The following HNF4G variants were observed in gnomAD, a reference collection of about 807,000 sequenced individuals.
HNF4G encodes the protein hepatocyte nuclear factor 4-gamma.
A neutral mutation model predicts 50.9 loss-of-function variants in HNF4G; 21 were observed. The ratio of observed to expected loss-of-function variants is 0.41; its 90% CI spans 0.29 to 0.59. The LOEUF is 0.59. Among genes scored for constraint, HNF4G ranks in the 20% least tolerant of loss-of-function variants. The probability of loss-of-function intolerance (pLI) is 0.26; values close to 1 mark genes in which losing one functional copy is unlikely to be tolerated. For synonymous variants in HNF4G, 198 were observed against 185.6 expected (o/e 1.07, Z -0.54); for missense variants, 527 against 559.4 (o/e 0.94, Z 0.58).
intron 3 of HNF4G, among the ~76,000 whole-genome samples, chr8:75,547,923 G>T (rs1216080415): frequency 6.6e-6 from 1 of 151,700 alleles, no homozygotes; most frequent in Non-Finnish European, 1.5e-5. Context: ...CCATTACATT[G>T]TCCAAGGCAA....
chr8:75,535,566 C>G (rs1429679091), upstream of HNF4G, among the ~76,000 whole-genome samples: 1 of 151,710 alleles, frequency 6.6e-6, no homozygotes, highest in Admixed American at 6.6e-5. Flanking sequence ...ATGAAAACAA[C>G]AAGAACTATA....
At position 75,543,949 on chromosome 8, in the gene HNF4G, G is replaced by C; in HGVS notation, c.257G>C (p.Ser86Thr). 1 of 1,599,790 alleles carries C rather than the reference G, an allele frequency of 6.3e-7. No homozygotes were observed. The highest frequency in any genetic ancestry group is 8.5e-7 in the Non-Finnish European group (1 of 1,171,962). Residue 86 changes from serine (S) to threonine (T), a missense_variant, in exon 2 of 10, where the codon AGC becomes ACC. Physicochemically the swap from Ser to Thr is moderately conservative, Grantham distance 58. Transcript: ENST00000396423. ...CDGCKGFFRR[S>T]IRKSHVYSCR... ...GGGTGCAAGGGTTTCTTCAGACGCA[G>C]CATTCGTAAGAGTCACGTTTATTCT... is the stretch of plus-strand genomic sequence containing the variant.
At chr8:75,484,637 TA>T (rs1310103426) in intron 1 of HNF4G, among the ~76,000 whole-genome samples, 3 of 152,244 alleles carry the variant, frequency 2.0e-5, no homozygotes, top group Non-Finnish European at 4.4e-5. Context: ...ATTATGATTA[TA>T]ATTAATCACC....
Position 75,450,867 on chromosome 8 carries a change from A to T in HNF4G, c.-143-39222A>T, listed in dbSNP as rs182763380. Among the ~76,000 whole-genome samples the T allele has an allele frequency of 2.1e-4, 32 of 152,254 alleles. 1 individual carries two copies. Among genetic ancestry groups the T allele is most frequent in the African/African-American group, 7.5e-4 (31 of 41,562 alleles). On this transcript the variant is annotated intron_variant, in intron 1 of 10. Transcript: ENST00000354370. ...TCATTATCTCTAGAGTGGGTTTGTT[A>T]GAAAGGTGAGTTCAGAGTTCTCTCG...
intron 2 of HNF4G, among the ~76,000 whole-genome samples, chr8:75,528,596 A>G (rs578190785): frequency 2.0e-4 from 31 of 152,324 alleles, no homozygotes; most frequent in African/African-American, 7.2e-4. Flanking sequence ...TTTAATTCTA[A>G]GCTGTAACAT....
intron 1 of HNF4G, among the ~76,000 whole-genome samples, chr8:75,428,427 A>G (rs1810935120): frequency 6.6e-6 from 1 of 152,238 alleles, no homozygotes; most frequent in Non-Finnish European, 1.5e-5. Flanking sequence ...CCTTGTATTT[A>G]TGGAGCTTCC....
rs1807012045 is a variant in HNF4G, at chr8:75,553,108, G to A, written c.556G>A (p.Val186Ile). 6.2e-7 allele frequency: 1 copy of A among 1,612,662 alleles called. No homozygotes were observed. Among genetic ancestry groups the A allele is most frequent in the African/African-American group, 1.3e-5 (1 of 74,830 alleles). Residue 186 changes from valine (V) to isoleucine (I), a missense_variant, in exon 5 of 10, where the codon GTC (valine) becomes ATC (isoleucine). Val to Ile is a conservative substitution (Grantham distance 29). This residue lies in a region of HNF4G where 128 missense variants were observed against 135.3 expected (regional missense o/e 0.95). Coordinates refer to ENST00000396423, the MANE Select transcript of HNF4G (RefSeq NM_004133.5). Reference protein sequence around the residue: ...NVKKIASIGDVCESMKQQLLV... With the variant: ...NVKKIASIGDICESMKQQLLV... ...TAAGAAAATTGCAAGTATTGGTGAT[G>A]TCTGTGAATCTATGAAACAGCAGCT...
chr8:75,413,951 A>G (rs1418824432), intron 1 of HNF4G, among the ~76,000 whole-genome samples: 1 of 152,194 alleles, frequency 6.6e-6, no homozygotes. Flanking sequence ...GTGAAAAGCC[A>G]ACTCACTTTT....
intron 1 of HNF4G, among the ~76,000 whole-genome samples, chr8:75,480,468 G>A (rs777025123): frequency 1.3e-5 from 2 of 152,112 alleles, no homozygotes; most frequent in Non-Finnish European, 2.9e-5. Context: ...GAATGATAAA[G>A]ATAATAGCTA....
intron 1 of HNF4G, among the ~76,000 whole-genome samples, chr8:75,468,741 A>G (rs566682634): frequency 4.3e-4 from 65 of 152,236 alleles, no homozygotes; most frequent in African/African-American, 1.3e-3. Flanking sequence ...AAATTTTTCA[A>G]TGGTCAATGT....
chr8:75,527,480 T>TA (rs556746639), intron 2 of HNF4G, among the ~76,000 whole-genome samples: 2 of 152,114 alleles, frequency 1.3e-5, no homozygotes, highest in South Asian at 2.1e-4. Flanking sequence ...AATGACTTTG[T>TA]AAAAAAATGA....
At chr8:75,558,478 G>T in intron 6 of HNF4G, 40 bp from the exon 7 acceptor site, 4 of 1,576,562 alleles carry the variant, frequency 2.5e-6, no homozygotes, top group Non-Finnish European at 3.5e-6. Flanking sequence ...GGAGACAGGT[G>T]GTTATTTTGT....
intron 1 of HNF4G, among the ~76,000 whole-genome samples, chr8:75,474,230 A>C (rs928325036): frequency 2.0e-5 from 3 of 152,222 alleles, no homozygotes; most frequent in Non-Finnish European, 4.4e-5. Flanking sequence ...TTCTTTCTTT[A>C]ATTTGAACAC....
intron 1 of HNF4G, among the ~76,000 whole-genome samples, chr8:75,447,586 G>GA (rs1041431540): frequency 4.0e-5 from 6 of 150,680 alleles, no homozygotes; most frequent in African/African-American, 1.2e-4. Context: ...AAATTTACAA[G>GA]AAAAAAACAA....
At chr8:75,415,625 G>A (rs764160128) in intron 1 of HNF4G, among the ~76,000 whole-genome samples, 42 of 152,040 alleles carry the variant, frequency 2.8e-4, no homozygotes, top group Non-Finnish European at 4.3e-4. Context: ...TTATATACAC[G>A]GTCTACAGTG....
intron 2 of HNF4G, among the ~76,000 whole-genome samples, chr8:75,505,654 A>T (rs1294370083): frequency 6.6e-6 from 1 of 151,056 alleles, no homozygotes; most frequent in Non-Finnish European, 1.5e-5. Flanking sequence ...CTTATGATAG[A>T]GTTATTCTGT....
intron 1 of HNF4G, among the ~76,000 whole-genome samples, chr8:75,453,504 G>GCC (rs777845560): frequency 8.6e-6 from 1 of 116,334 alleles, no homozygotes; most frequent in Non-Finnish European, 1.8e-5. Flanking sequence ...CCACCCCCCT[G>GCC]CCCCCCCGCC....
intron 1 of HNF4G, among the ~76,000 whole-genome samples, chr8:75,450,716 A>G (rs1316598417): frequency 6.6e-6 from 1 of 152,168 alleles, no homozygotes; most frequent in Non-Finnish European, 1.5e-5. Flanking sequence ...GTGTCCCCCA[A>G]AGTTCATGTG....
chr8:75,408,541 G>A (rs1311557591), intron 1 of HNF4G, among the ~76,000 whole-genome samples: 1 of 152,118 alleles, frequency 6.6e-6, no homozygotes, highest in Non-Finnish European at 1.5e-5. Context: ...TGATGCCGTT[G>A]GGGGATATTT....
Sources: gnomAD v4.1 joint callset for allele counts (sites outside exome capture counted in the v4.1 genomes callset) on GRCh38, gnomAD v4.1.1 for gene constraint, gnomAD v4.1.1 regional missense constraint, MANE v1.5 for transcripts, NCBI Gene and HGNC (gene_info 2026-07-23, HGNC 2026-07-21) for gene names.